The following JAKMIP2 variants were observed in gnomAD, a reference collection of about 807,000 sequenced individuals.
JAKMIP2 encodes janus kinase and microtubule-interacting protein 2.
JAKMIP2 carries 25 observed loss-of-function variants against 115.0 expected under a neutral mutation model. The observed-to-expected ratio is 0.22, with a 90% confidence interval of 0.16 to 0.30. The LOEUF (loss-of-function observed/expected upper bound fraction) is 0.30, where lower values mean the gene tolerates loss of function less well. Among genes scored for constraint, JAKMIP2 ranks in the 10% least tolerant of loss-of-function variants. JAKMIP2 has a pLI of 1.00. For synonymous variants in JAKMIP2, 334 were observed against 343.6 expected (o/e 0.97, Z 0.31); for missense variants, 642 against 957.6 (o/e 0.67, Z 4.35).
chr5:147,760,406 A>G (rs1387509887), intron 1 of JAKMIP2, among the ~76,000 whole-genome samples: 2 of 1,590 alleles, frequency 1.3e-3, no homozygotes, highest in Non-Finnish European at 0.026. Flanking sequence ...CAGTCAGTGA[A>G]AAAAAAAAAA....
intron 15 of JAKMIP2, among the ~76,000 whole-genome samples, chr5:147,629,123 TAGA>T (rs1300511692): frequency 1.3e-5 from 2 of 152,230 alleles, no homozygotes; most frequent in Non-Finnish European, 2.9e-5. Flanking sequence ...AGTCTCTTCA[TAGA>T]AGTTTTGATG....
chr5:147,676,983 T>C (rs1041338353), intron 1 of JAKMIP2, among the ~76,000 whole-genome samples: 1 of 152,208 alleles, frequency 6.6e-6, no homozygotes, highest in Non-Finnish European at 1.5e-5. Context: ...ATGTAGTAAT[T>C]GGCACATGAT....
Position 147,715,628 on chromosome 5 carries a change from G to C in JAKMIP2, c.-148-43674C>G, listed in dbSNP as rs1032378979. On this transcript the variant is annotated intron_variant, in intron 1 of 21. Coordinates refer to ENST00000616793, the MANE Select transcript of JAKMIP2 (RefSeq NM_001270941.2). ...CGGAAGACATGCCAATTCTAAATTT[G>C]TATGTATATATTAATACAGCTTCAA... Among the ~76,000 whole-genome samples, 14 of 151,638 alleles carry C rather than the reference G, an allele frequency of 9.2e-5. No individual in the cohort carries two copies. In the East Asian group the frequency reaches 2.5e-3, roughly 27 times the overall value.
At chr5:147,605,137 C>G (rs1050588003) in intron 20 of JAKMIP2, among the ~76,000 whole-genome samples, 7 of 151,630 alleles carry the variant, frequency 4.6e-5, no homozygotes, top group Admixed American at 1.3e-4. Context: ...CATCCATGTC[C>G]CTGCAAAGGA....
chr5:147,699,366 A>C (rs965815063), intron 1 of JAKMIP2, among the ~76,000 whole-genome samples: 2 of 152,226 alleles, frequency 1.3e-5, no homozygotes, highest in Non-Finnish European at 2.9e-5. Context: ...GAAATGGTGA[A>C]GAACAGATGT....
Position 147,650,428 on chromosome 5 carries a change from A to G in JAKMIP2, c.747T>C (p.Phe249=), listed in dbSNP as rs1481663017. The part of the protein sequence containing the change: ...LQKEALDEQL[F]LVKEAECNMS... ...TGTTGCACTCAGCCTCCTTGACCAG[A>G]AAGAGTTGTTCGTCCAAAGCCTCCT... is the stretch of plus-strand genomic sequence containing the variant. Residue 249 remains phenylalanine, a synonymous_variant, in exon 4 of 22, where the codon TTT becomes TTC. Transcript: ENST00000616793. 6.2e-7 allele frequency: 1 copy of G among 1,613,886 alleles called. No individual in the cohort carries two copies. The highest frequency in any genetic ancestry group is 8.5e-7 in the Non-Finnish European group (1 of 1,179,856).
intron 20 of JAKMIP2, among the ~76,000 whole-genome samples, chr5:147,606,659 A>G (rs949398675): frequency 1.3e-5 from 2 of 152,216 alleles, no homozygotes; most frequent in African/African-American, 2.4e-5. Context: ...TGTCTTGGCT[A>G]TATGGGCTCA....
intron 1 of JAKMIP2, among the ~76,000 whole-genome samples, chr5:147,748,095 G>A (rs1754414548): frequency 6.6e-6 from 1 of 152,156 alleles, no homozygotes; most frequent in African/African-American, 2.4e-5. Flanking sequence ...CTCACAAAAT[G>A]ATAAAAGTAT....
intron 1 of JAKMIP2, among the ~76,000 whole-genome samples, chr5:147,690,121 G>A (rs1026896371): frequency 2.0e-5 from 3 of 152,114 alleles, no homozygotes; most frequent in Non-Finnish European, 2.9e-5. Flanking sequence ...AGGCTGAGGC[G>A]AGGGGATCGC....
intron 8 of JAKMIP2, among the ~76,000 whole-genome samples, 190 bp downstream of exon 8, chr5:147,641,518 C>T (rs540301153): frequency 6.6e-6 from 1 of 152,236 alleles, no homozygotes; most frequent in African/African-American, 2.4e-5. Flanking sequence ...TTAAAATTTA[C>T]AACATAATCA....
At position 147,772,203 on chromosome 5, in the gene JAKMIP2, C is replaced by G. The variant is rs544154213; in HGVS notation, c.-149+10253G>C. Among the ~76,000 whole-genome samples, 4 of 152,016 alleles carry G rather than the reference C, an allele frequency of 2.6e-5. No homozygotes were observed. In the South Asian group the frequency reaches 8.3e-4, roughly 32 times the overall value. ...GCCTTAGTCTACTAATTATGAAAGA[C>G]GTAAATAATTGCTGGGACATAAGGG... On this transcript the variant is annotated intron_variant, in intron 1 of 21. Transcript: ENST00000616793.
At chr5:147,650,960 C>A (rs1342893084) in intron 3 of JAKMIP2, among the ~76,000 whole-genome samples, 1 of 152,228 alleles carries the variant, frequency 6.6e-6, no homozygotes, top group African/African-American at 2.4e-5. Flanking sequence ...TATTCAGATT[C>A]AATCAAAATA....
chr5:147,764,967 GGGGAGAGA>G (rs1755091298), intron 1 of JAKMIP2, among the ~76,000 whole-genome samples: 1 of 21,246 alleles, frequency 4.7e-5, no homozygotes, highest in Non-Finnish European at 8.8e-5. Context: ...AGAGAGAGAG[GGGGAGAGA>G]GAGAGAGAGA....
chr5:147,738,593 G>A (rs1191963014), intron 1 of JAKMIP2, among the ~76,000 whole-genome samples: 1 of 151,996 alleles, frequency 6.6e-6, no homozygotes, highest in Non-Finnish European at 1.5e-5. Context: ...CAGATAATAA[G>A]ACTGAAAATA....
chr5:147,719,536 G>A (rs952666912), intron 1 of JAKMIP2, among the ~76,000 whole-genome samples: 6 of 151,980 alleles, frequency 3.9e-5, no homozygotes, highest in Admixed American at 2.0e-4. Flanking sequence ...GTGCTCCTGT[G>A]TTGGGTGCAT....
At chr5:147,777,576 C>T (rs1755607389) in intron 1 of JAKMIP2, among the ~76,000 whole-genome samples, 1 of 152,124 alleles carries the variant, frequency 6.6e-6, no homozygotes, top group African/African-American at 2.4e-5. Flanking sequence ...CTTCCTTTTA[C>T]ACATTTCTGT....
chr5:147,731,977 T>C (rs535552866), intron 1 of JAKMIP2, among the ~76,000 whole-genome samples: 1 of 152,332 alleles, frequency 6.6e-6, no homozygotes, highest in East Asian at 1.9e-4. Flanking sequence ...AGCATTTCAA[T>C]TAGAATCAGT....
In JAKMIP2 at chr5:147,773,115, GA is replaced by G. The variant is rs35051467; in HGVS notation, c.-149+9340del. Reference sequence around the variant, plus strand: ...TAAATAGTTTTACTTGAATTATAAAGAAAATTCTAAACTATGGGTCTCTCCA... The same window carrying G: ...TAAATAGTTTTACTTGAATTATAAAGAAATTCTAAACTATGGGTCTCTCCA... On this transcript the variant is annotated intron_variant, in intron 1 of 21. Transcript: ENST00000616793. Among the ~76,000 whole-genome samples, 641 of 152,240 alleles carry G rather than the reference GA, an allele frequency of 4.2e-3. 12 individuals are homozygous for G. The highest frequency in any genetic ancestry group is 0.015 in the African/African-American group (605 of 41,550).
chr5:147,665,309 C>T (rs1190158835), intron 2 of JAKMIP2, among the ~76,000 whole-genome samples: 2 of 152,306 alleles, frequency 1.3e-5, no homozygotes, highest in Non-Finnish European at 2.9e-5. Context: ...TCTTGCCCTT[C>T]ACAGAAAGAG....
Sources: allele counts gnomAD v4.1 joint callset (sites outside exome capture counted in the v4.1 genomes callset), GRCh38; gene constraint gnomAD v4.1.1; transcripts MANE v1.5; gene names NCBI Gene and HGNC (gene_info 2026-07-23, HGNC 2026-07-21).